SUPT16H: variants seen among roughly 807,000 people sequenced by gnomAD.
SUPT16H encodes the protein FACT complex subunit SPT16.
A neutral mutation model predicts 136.2 loss-of-function variants in SUPT16H; 24 were observed. That is an observed-to-expected ratio of 0.18 (90% confidence interval 0.13 to 0.25). SUPT16H has a LOEUF of 0.25. SUPT16H is among the 10% of genes least tolerant of loss of function. The probability of loss-of-function intolerance (pLI) is 1.00; values close to 1 mark genes in which losing one functional copy is unlikely to be tolerated. For synonymous variants in SUPT16H, 415 were observed against 428.2 expected (o/e 0.97, Z 0.38); for missense variants, 623 against 1,270.2 (o/e 0.49, Z 7.74).
rs1363440506 is a variant in SUPT16H, at chr14:21,360,552, A to C, written c.2057-19T>G. 3.1e-6 allele frequency: 5 copies of C among 1,596,706 alleles called. No homozygotes were observed. Among genetic ancestry groups the C allele is most frequent in the Non-Finnish European group, 4.3e-6 (5 of 1,166,016 alleles). ...CGGAAGCCTGGGGAAAAGAATGAAG[A>C]AATGTCAAGCAGTATAATTAAGTTA... On this transcript the variant is annotated intron_variant, in intron 17 of 25. Coordinates refer to ENST00000216297, the MANE Select transcript of SUPT16H (RefSeq NM_007192.4).
intron 2 of SUPT16H, 84 bp downstream of exon 2, chr14:21,373,254 A>T: frequency 1.8e-6 from 2 of 1,135,056 alleles, no homozygotes; most frequent in Non-Finnish European, 2.7e-6. Context: ...CCAGGAATTT[A>T]AGTTTTAATG....
At position 21,359,559 on chromosome 14, in the gene SUPT16H, T is replaced by C. The variant is rs1377260412; in HGVS notation, c.2226A>G (p.Thr742=). 8 of 1,614,116 alleles carry C rather than the reference T, an allele frequency of 5.0e-6. No homozygotes were observed. Among genetic ancestry groups the C allele is most frequent in the Non-Finnish European group, 6.8e-6 (8 of 1,180,052 alleles). ...AGTCCGTGGTTATCTCTCCCACTTC[T>C]GTGTAGAACTGCACATCCGTGTGCC... The part of the protein sequence containing the change: ...KKRHTDVQFY[T]EVGEITTDLG... Residue 742 remains threonine (T), a synonymous_variant, in exon 19 of 26, where the codon ACA becomes ACG. Transcript: ENST00000216297.
chr14:21,377,544 C>G (rs1886929708), intron 1 of SUPT16H, among the ~76,000 whole-genome samples: 1 of 150,898 alleles, frequency 6.6e-6, no homozygotes, highest in Admixed American at 6.6e-5. Flanking sequence ...TTAAGACATG[C>G]AAGGGCTGAA....
chr14:21,353,965 G>A (rs957275614), intron 23 of SUPT16H, 133 bp from the exon 24 acceptor site: 4 of 775,710 alleles, frequency 5.2e-6, no homozygotes, highest in African/African-American at 1.8e-5. Context: ...GGGATCAAGA[G>A]ATAAAATGAC....
intron 7 of SUPT16H, 121 bp downstream of exon 7, chr14:21,368,148 G>T: frequency 1.0e-6 from 1 of 1,004,922 alleles, no homozygotes; most frequent in Non-Finnish European, 1.5e-6. Flanking sequence ...TGAACTCCTG[G>T]ATTCAAGTGA....
chr14:21,379,905 C>A (rs1233794474), intron 1 of SUPT16H, among the ~76,000 whole-genome samples: 5 of 151,330 alleles, frequency 3.3e-5, no homozygotes, highest in South Asian at 2.1e-4. Context: ...AACAAACAAA[C>A]AAACAAAAAA....
chr14:21,369,448 G>T, intron 5 of SUPT16H, 93 bp from the exon 6 acceptor site: 1 of 1,505,550 alleles, frequency 6.6e-7, no homozygotes, highest in Non-Finnish European at 9.1e-7. Flanking sequence ...ATGTATCCTT[G>T]TATAAGTCTT....
At chr14:21,369,057 G>T in intron 6 of SUPT16H, 147 bp downstream of exon 6, 1 of 822,694 alleles carries the variant, frequency 1.2e-6, no homozygotes, top group Non-Finnish European at 1.8e-6. Context: ...CCTGGGTGAT[G>T]GACACCCAAG....
At position 21,352,450 on chromosome 14, in the gene SUPT16H, A is replaced by G. The variant is rs1886332186; in HGVS notation, c.*223T>C. ...CAGCGGGAGCCTCCTCCTGTCTTCA[A>G]GAACACCTCCTCCCTTGCCATCTGA... On this transcript the variant is annotated 3_prime_UTR_variant, in exon 26 of 26. Transcript: ENST00000216297. 1.6e-6 allele frequency: 1 copy of G among 626,806 alleles called. No homozygotes were observed. The highest frequency in any genetic ancestry group is 2.8e-5 in the East Asian group (1 of 36,356). 38.8% of individuals were successfully genotyped at this position (626,806 alleles called of 1,614,324 possible). A position where few individuals can be genotyped will look rare whatever the true frequency, so the allele number is the denominator to read the frequency against.
In SUPT16H at chr14:21,369,643, G is replaced by A. The variant is rs140691146; in HGVS notation, c.630+107C>T. 1.8e-4 allele frequency: 250 copies of A among 1,399,498 alleles called. No homozygotes were observed. The African/African-American group carries it at 3.2e-3, about 18-fold the overall frequency. The allele number at this position is 1,399,498 out of a possible 1,614,324, so 86.7% of individuals were successfully genotyped here. On this transcript the variant is annotated intron_variant, in intron 5 of 25. Transcript: ENST00000216297. ...TGATGTAATTACCACCAACTTAAGT[G>A]TCAGTCTTAATTTCAAAGGAAGCTG...
chr14:21,365,333 A>G (rs1408061058), intron 8 of SUPT16H, among the ~76,000 whole-genome samples, 190 bp from the exon 9 acceptor site: 1 of 152,250 alleles, frequency 6.6e-6, no homozygotes, highest in Non-Finnish European at 1.5e-5. Flanking sequence ...GTATAATCCC[A>G]TGGCGAAAAA....
chr14:21,369,486 T>C, intron 5 of SUPT16H, 131 bp from the exon 6 acceptor site: 3 of 1,257,312 alleles, frequency 2.4e-6, no homozygotes, highest in Non-Finnish European at 3.3e-6. Flanking sequence ...CCAGGTAATA[T>C]ATTGGTATGC....
At chr14:21,379,152 A>G (rs917953791) in intron 1 of SUPT16H, among the ~76,000 whole-genome samples, 4 of 152,134 alleles carry the variant, frequency 2.6e-5, no homozygotes, top group African/African-American at 9.7e-5. Context: ...GTAGAGATCT[A>G]GGGCTGGGTG....
intron 1 of SUPT16H, among the ~76,000 whole-genome samples, chr14:21,375,415 C>T (rs533870304): frequency 6.6e-6 from 1 of 152,276 alleles, no homozygotes; most frequent in South Asian, 2.1e-4. Flanking sequence ...AATGCCTGTT[C>T]AGATCCTCTG....
rs185372795 is a variant in SUPT16H at position 21,369,683 on chromosome 14, A to G, written c.630+67T>C. ...AAAGGAAGCTGAAGAACACACCAACAGATTTGCATGGTAGACTTATTACTG... is the reference window on the plus strand; with the variant it reads ...AAAGGAAGCTGAAGAACACACCAACGGATTTGCATGGTAGACTTATTACTG... On this transcript the variant is annotated intron_variant, in intron 5 of 25. Transcript: ENST00000216297. 21 of 1,584,016 alleles carry G rather than the reference A, an allele frequency of 1.3e-5. No individual in the cohort carries two copies. In the East Asian group the frequency reaches 4.7e-4, roughly 36 times the overall value.
chr14:21,357,193 T>A lies in SUPT16H; in HGVS notation c.2660+4A>T. 6.3e-7 allele frequency: 1 copy of A among 1,581,368 alleles called. No individual in the cohort carries two copies. Among genetic ancestry groups the A allele is most frequent in the South Asian group, 1.2e-5 (1 of 85,814 alleles). On this transcript the variant is annotated splice_donor_region_variant and intron_variant, in intron 22 of 25. Transcript: ENST00000216297. Reference sequence around the variant, plus strand: ...AATGGGAGACTGATGGCAGATTTACTTACTTCAACCATTCCTTGATGGGGT... The same window carrying A: ...AATGGGAGACTGATGGCAGATTTACATACTTCAACCATTCCTTGATGGGGT...
intron 15 of SUPT16H, among the ~76,000 whole-genome samples, chr14:21,361,855 C>A (rs1411462773): frequency 1.3e-5 from 2 of 152,068 alleles, no homozygotes; most frequent in Non-Finnish European, 2.9e-5. Flanking sequence ...GCAGCCTCAA[C>A]CTCCCAGGCT....
intron 7 of SUPT16H, among the ~76,000 whole-genome samples, chr14:21,366,946 A>T (rs977312507): frequency 4.1e-5 from 6 of 148,052 alleles, no homozygotes; most frequent in Admixed American, 6.7e-5. Context: ...ACCTGGCCCC[A>T]TTCTTTTTTT....
rs1461162786 is a variant in SUPT16H at position 21,372,872 on chromosome 14, A to G, written c.159+466T>C. The stretch of plus-strand genomic sequence containing the variant: ...AACTTTATGTGATGGTGAAAATACC[A>G]TTTATCTGCTCTGTCCAATATGGGG... On this transcript the variant is annotated intron_variant, in intron 2 of 25. Transcript: ENST00000216297. Among the ~76,000 whole-genome samples, 8 of 152,170 alleles carry G rather than the reference A, an allele frequency of 5.3e-5. No individual in the cohort carries two copies. In the East Asian group the frequency reaches 1.5e-3, roughly 29 times the overall value.
Sources: gnomAD v4.1 joint callset for allele counts (sites outside exome capture counted in the v4.1 genomes callset) on GRCh38, gnomAD v4.1.1 for gene constraint, MANE v1.5 for transcripts, NCBI Gene and HGNC (gene_info 2026-07-23, HGNC 2026-07-21) for gene names.